The following ENTREP2 variants were observed in gnomAD, a reference collection of about 807,000 sequenced individuals.
ENTREP2 encodes endosomal transmembrane epsin interactor 2, also known as protein ENTREP2.
chr15:29,409,353 T>G, the ENTREP2 span, among the ~76,000 whole-genome samples: 1 of 152,120 alleles, frequency 6.6e-6, no homozygotes, highest in Admixed American at 6.5e-5. Context: ...TTTTTCTTTT[T>G]TTTTTGGAGA....
chr15:29,351,157 G>A, the ENTREP2 span, among the ~76,000 whole-genome samples: 1 of 152,134 alleles, frequency 6.6e-6, no homozygotes, highest in African/African-American at 2.4e-5. Context: ...ACATGCCTAG[G>A]CTATATGGTG....
At chr15:29,131,515 G>A in the ENTREP2 span, among the ~76,000 whole-genome samples, 3 of 143,340 alleles carry the variant, frequency 2.1e-5, no homozygotes, top group Non-Finnish European at 4.5e-5. Context: ...CTGGGGTGCT[G>A]AAGCTCCCAC....
chr15:29,528,134 C>T, the ENTREP2 span, among the ~76,000 whole-genome samples: 12 of 152,074 alleles, frequency 7.9e-5, no homozygotes, highest in African/African-American at 2.9e-4. Flanking sequence ...CAGACGCAAA[C>T]AATAAGCACA....
chr15:29,303,390 CTTTGA>C, the ENTREP2 span, among the ~76,000 whole-genome samples: 1 of 152,132 alleles, frequency 6.6e-6, no homozygotes, highest in Non-Finnish European at 1.5e-5. Context: ...ACCAAACTGA[CTTTGA>C]TTTCAGACAG....
At chr15:29,368,953 G>A in the ENTREP2 span, among the ~76,000 whole-genome samples, 5 of 152,206 alleles carry the variant, frequency 3.3e-5, no homozygotes, top group South Asian at 1.0e-3. Flanking sequence ...CTCTATAGGG[G>A]TTAAAGAGCA....
At chr15:29,124,543 C>T in the ENTREP2 span, 13 of 649,046 alleles carry the variant, frequency 2.0e-5, no homozygotes. Flanking sequence ...GAGAAAGGCC[C>T]TCAAAGCCAG....
At chr15:29,557,284 T>C in the ENTREP2 span, among the ~76,000 whole-genome samples, 106 of 152,178 alleles carry the variant, frequency 7.0e-4, 2 homozygotes, top group East Asian at 0.013. Flanking sequence ...AATACCACCT[T>C]AGGTGACCCG....
the ENTREP2 span, among the ~76,000 whole-genome samples, chr15:29,124,928 C>T: frequency 6.6e-6 from 1 of 152,268 alleles, no homozygotes; most frequent in African/African-American, 2.4e-5. Context: ...CGCCCTGCAG[C>T]TGGCCAGGCC....
At chr15:29,388,709 T>G in the ENTREP2 span, among the ~76,000 whole-genome samples, 1 of 152,126 alleles carries the variant, frequency 6.6e-6, no homozygotes, top group South Asian at 2.1e-4. Context: ...GACTTGGAAC[T>G]AACCCAAATG....
the ENTREP2 span, among the ~76,000 whole-genome samples, chr15:29,274,396 G>A: frequency 6.6e-6 from 1 of 152,178 alleles, no homozygotes; most frequent in Non-Finnish European, 1.5e-5. Context: ...TCCAGAGAGT[G>A]GGCTTTTAAC....
chr15:29,346,160 G>A, the ENTREP2 span, among the ~76,000 whole-genome samples: 30 of 152,322 alleles, frequency 2.0e-4, no homozygotes, highest in Non-Finnish European at 4.3e-4. Flanking sequence ...GAGGGTCCAG[G>A]CTGGCAGAAA....
chr15:29,578,396 G>C, the ENTREP2 span, among the ~76,000 whole-genome samples: 2 of 152,208 alleles, frequency 1.3e-5, no homozygotes, highest in African/African-American at 4.8e-5. Flanking sequence ...GTTTGTTCAG[G>C]TGATTATCAT....
the ENTREP2 span, among the ~76,000 whole-genome samples, chr15:29,303,036 A>C: frequency 0.16 from 24,702 of 151,974 alleles, 3,372 homozygotes; most frequent in African/African-American, 0.38. Context: ...GAGCAGACTC[A>C]AAGGGGCCGC....
the ENTREP2 span, among the ~76,000 whole-genome samples, chr15:29,626,047 C>T: frequency 6.6e-6 from 1 of 152,154 alleles, no homozygotes; most frequent in African/African-American, 2.4e-5. Flanking sequence ...AGGGTTTCGC[C>T]ATGTTGGCCA....
the ENTREP2 span, among the ~76,000 whole-genome samples, chr15:29,391,157 AG>A: frequency 1.3e-5 from 2 of 151,896 alleles, no homozygotes; most frequent in African/African-American, 4.8e-5. Context: ...CGAGGCATGC[AG>A]GCCTCTACCA....
chr15:29,177,378 C>A, the ENTREP2 span, among the ~76,000 whole-genome samples: 30 of 152,200 alleles, frequency 2.0e-4, 2 homozygotes, highest in Non-Finnish European at 1.5e-5. Flanking sequence ...AACATAAATG[C>A]ATCTATGAAT....
chr15:29,407,300 A>T, the ENTREP2 span, among the ~76,000 whole-genome samples: 1 of 152,186 alleles, frequency 6.6e-6, no homozygotes, highest in East Asian at 1.9e-4. Flanking sequence ...CAGTAAAAAC[A>T]TGGTATTAGA....
At chr15:29,210,023 C>T in the ENTREP2 span, among the ~76,000 whole-genome samples, 1 of 152,158 alleles carries the variant, frequency 6.6e-6, no homozygotes, top group Non-Finnish European at 1.5e-5. Context: ...TTTTAAGATG[C>T]TTTGACATCT....
At chr15:29,672,765 G>GC in the ENTREP2 span, among the ~76,000 whole-genome samples, 1 of 152,106 alleles carries the variant, frequency 6.6e-6, no homozygotes, top group East Asian at 1.9e-4. Context: ...AATTTGGTGG[G>GC]TTGGGGGGGT....
Sources: gnomAD v4.1 joint callset for allele counts (sites outside exome capture counted in the v4.1 genomes callset) on GRCh38, gnomAD v4.1.1 for gene constraint, MANE v1.5 for transcripts, NCBI Gene and HGNC (gene_info 2026-07-23, HGNC 2026-07-21) for gene names.